Variants in ARSG observed in about 807,000 individuals in gnomAD.
ARSG encodes the protein arylsulfatase G.
A neutral mutation model predicts 50.5 loss-of-function variants in ARSG; 37 were observed. That is an observed-to-expected ratio of 0.73 (90% CI 0.56 to 0.96). The LOEUF (loss-of-function observed/expected upper bound fraction) is 0.96, where lower values mean the gene tolerates loss of function less well. ARSG is among the 50% of genes least tolerant of loss of function. The pLI, the probability that ARSG is intolerant of heterozygous loss-of-function variation, is 0.00. For synonymous variants in ARSG, 225 were observed against 254.6 expected, an observed-to-expected ratio of 0.88 and a Z score of 1.11; for missense variants, 629 against 675.3, an observed-to-expected ratio of 0.93 and a Z score of 0.76.
intron 1 of ARSG, among the ~76,000 whole-genome samples, chr17:68,296,460 C>T (rs2076212100): frequency 1.3e-5 from 2 of 152,186 alleles, no homozygotes; most frequent in Non-Finnish European, 2.9e-5. Context: ...AGCAGTGCCT[C>T]CGTGAGTTTC....
intron 2 of ARSG, among the ~76,000 whole-genome samples, chr17:68,313,681 C>CTTTT (rs10660116): frequency 0.048 from 5,970 of 123,166 alleles, 355 homozygotes; most frequent in Non-Finnish European, 0.072. Context: ...CTCTCTCTCT[C>CTTTT]TCTTTTTTTT....
intron 1 of ARSG, among the ~76,000 whole-genome samples, chr17:68,261,169 T>A (rs74691213): frequency 6.6e-6 from 1 of 152,022 alleles, no homozygotes. Flanking sequence ...ATAGATAACA[T>A]TTTTTTTCTC....
chr17:68,263,885 T>A (rs1252490154), intron 1 of ARSG, among the ~76,000 whole-genome samples: 1 of 152,142 alleles, frequency 6.6e-6, no homozygotes, highest in Non-Finnish European at 1.5e-5. Flanking sequence ...TGAGATGGAA[T>A]CTTGCTCTGT....
chr17:68,359,024 G>A (rs77682830), intron 6 of ARSG, among the ~76,000 whole-genome samples: 6,638 of 152,038 alleles, frequency 0.044, 197 homozygotes, highest in Non-Finnish European at 0.064. Context: ...TTAGCCAGGC[G>A]TGGTGGCGGA....
At chr17:68,316,954 T>A (rs1229620431) in intron 2 of ARSG, among the ~76,000 whole-genome samples, 1 of 152,122 alleles carries the variant, frequency 6.6e-6, no homozygotes, top group Non-Finnish European at 1.5e-5. Context: ...TTGTTTCTTC[T>A]CATTCCTAGA....
At chr17:68,408,483 C>T (rs954476416) in intron 11 of ARSG, among the ~76,000 whole-genome samples, 4 of 151,884 alleles carry the variant, frequency 2.6e-5, no homozygotes, top group Admixed American at 2.0e-4. Flanking sequence ...CATAGTATTC[C>T]ATGGTGTATA....
intron 11 of ARSG, among the ~76,000 whole-genome samples, chr17:68,406,603 T>C (rs368661716): frequency 4.6e-5 from 7 of 152,224 alleles, no homozygotes; most frequent in African/African-American, 1.7e-4. Context: ...TATCATATTG[T>C]GGTTTTGATT....
At chr17:68,376,276 CATTTT>C (rs1314984980) in intron 8 of ARSG, among the ~76,000 whole-genome samples, 2 of 131,944 alleles carry the variant, frequency 1.5e-5, no homozygotes, top group African/African-American at 3.0e-5. Context: ...GCGCCCCCTG[CATTTT>C]TTTTTTTTTT....
intron 1 of ARSG, chr17:68,272,873 G>A: frequency 7.3e-7 from 1 of 1,363,982 alleles, no homozygotes; most frequent in Non-Finnish European, 1.0e-6. Flanking sequence ...TGAATCTTAA[G>A]TTCTAGGAGC....
At chr17:68,432,657 G>A in the ARSG span, among the ~76,000 whole-genome samples, 2 of 152,112 alleles carry the variant, frequency 1.3e-5, no homozygotes, top group Non-Finnish European at 2.9e-5. Flanking sequence ...GTGATATGGT[G>A]CCCAGCCTCT....
At chr17:68,386,640 T>C (rs529098572) in intron 9 of ARSG, among the ~76,000 whole-genome samples, 3 of 152,116 alleles carry the variant, frequency 2.0e-5, no homozygotes, top group East Asian at 3.9e-4. Context: ...TCAGGCTGCC[T>C]GGGAAAAGGG....
chr17:68,370,518 C>T lies in ARSG; in HGVS notation c.976C>T (p.Arg326Cys), dbSNP rs144503106. ...TCCCTTCACTGGATTTTGGCAAACT[C>T]GTCAAGGTAAGGGGCTCAGCTGGGG... ...VGPFTGFWQT[R>C]QGGSPAKQTT... Residue 326 changes from arginine (R) to cysteine (C), a missense_variant, in exon 8 of 12, where the codon CGT becomes TGT. Physicochemically the swap from Arg to Cys is radical, Grantham distance 180. Transcript: ENST00000621439. 30 of 1,613,796 alleles carry T rather than the reference C, an allele frequency of 1.9e-5. No individual in the cohort carries two copies. Among genetic ancestry groups the T allele is most frequent in the South Asian group, 9.9e-5 (9 of 91,042 alleles).
intron 1 of ARSG, among the ~76,000 whole-genome samples, chr17:68,294,386 C>T (rs1047102027): frequency 1.3e-5 from 2 of 152,146 alleles, no homozygotes; most frequent in Non-Finnish European, 1.5e-5. Flanking sequence ...TTCAAGTCTT[C>T]GTGTTGGGTT....
intron 9 of ARSG, among the ~76,000 whole-genome samples, chr17:68,385,504 AAGGGAAGGGAAGAGAAGGGAGGGGAGGGG>A (rs2080667385): frequency 7.2e-6 from 1 of 138,948 alleles, no homozygotes; most frequent in Non-Finnish European, 1.6e-5. Context: ...CTCTAAAAAG[AAGGGAAGGGAAGAGAAGGGAGGGGAGGGG>A]AGGGAAGGGA....
At chr17:68,375,483 T>A (rs1380391092) in intron 8 of ARSG, among the ~76,000 whole-genome samples, 1 of 152,180 alleles carries the variant, frequency 6.6e-6, no homozygotes, top group African/African-American at 2.4e-5. Context: ...AGGTTAAAAT[T>A]TGAGAACTAC....
Position 68,401,439 on chromosome 17 carries a change from T to C in ARSG, c.1292T>C (p.Phe431Ser). 1 of 1,613,894 alleles carries C rather than the reference T, an allele frequency of 6.2e-7. No individual in the cohort carries two copies. Among genetic ancestry groups the C allele is most frequent in the Non-Finnish European group, 8.5e-7 (1 of 1,179,822 alleles). ...GTCCGCCTGGAGCGTTACAAGGCCT[T>C]CTACATTACCGGTGAGTGAGGGGCC... ...QTVRLERYKA[F>S]YITGGARACD... Residue 431 changes from phenylalanine to serine, a missense_variant, in exon 11 of 12, where the codon TTC becomes TCC. Coordinates refer to ENST00000621439, the MANE Select transcript of ARSG (RefSeq NM_001267727.2).
intron 2 of ARSG, among the ~76,000 whole-genome samples, chr17:68,331,604 C>T (rs901776070): frequency 6.6e-6 from 1 of 152,014 alleles, no homozygotes; most frequent in Non-Finnish European, 1.5e-5. Flanking sequence ...TCAGACAATC[C>T]GCCTACCTCG....
At chr17:68,336,105 G>A (rs936736878) in intron 2 of ARSG, among the ~76,000 whole-genome samples, 1 of 151,424 alleles carries the variant, frequency 6.6e-6, no homozygotes, top group Non-Finnish European at 1.5e-5. Context: ...CACTACGTTG[G>A]CCAGGATGGT....
At chr17:68,356,861 A>T in intron 6 of ARSG, 57 bp downstream of exon 6, 1 of 1,609,346 alleles carries the variant, frequency 6.2e-7, no homozygotes, top group Non-Finnish European at 8.5e-7. Flanking sequence ...ACCCGTGCAC[A>T]CACACCATGT....
Sources: gnomAD v4.1 joint callset for allele counts (sites outside exome capture counted in the v4.1 genomes callset) on GRCh38, gnomAD v4.1.1 for gene constraint, MANE v1.5 for transcripts, NCBI Gene and HGNC (gene_info 2026-07-23, HGNC 2026-07-21) for gene names.